The following PTPRT variants were observed in gnomAD, a reference collection of about 807,000 sequenced individuals.
PTPRT encodes the protein receptor-type tyrosine-protein phosphatase T.
Under a neutral mutation model 176.8 loss-of-function variants are expected in PTPRT, and 56 were observed. The observed-to-expected ratio is 0.32, with a 90% CI of 0.26 to 0.40. PTPRT has a LOEUF of 0.40. PTPRT is among the 10% of genes least tolerant of loss of function. The pLI, the probability that PTPRT is intolerant of heterozygous loss-of-function variation, is 1.00. For missense variants in PTPRT, 1,540 were observed against 1,908.2 expected (o/e 0.81, Z 3.60); for synonymous variants, 783 against 739.0 (o/e 1.06, Z -0.96).
At chr20:42,674,305 A>G (rs2075462185) in intron 7 of PTPRT, among the ~76,000 whole-genome samples, 1 of 152,246 alleles carries the variant, frequency 6.6e-6, no homozygotes, top group Non-Finnish European at 1.5e-5. Flanking sequence ...ATAAAATACC[A>G]CAATTGCATT....
chr20:42,891,280 C>G (rs1007729184), intron 1 of PTPRT, among the ~76,000 whole-genome samples: 3 of 152,146 alleles, frequency 2.0e-5, no homozygotes, highest in Non-Finnish European at 4.4e-5. Flanking sequence ...CTGGGCTCAG[C>G]TGAGGTTTGG....
At chr20:43,023,305 G>A (rs79049670) in intron 1 of PTPRT, among the ~76,000 whole-genome samples, 2,715 of 152,254 alleles carry the variant, frequency 0.018, 90 homozygotes, top group African/African-American at 0.061. Context: ...TGTGTGACCT[G>A]AAGCATCCTC....
At chr20:42,647,743 G>A (rs2074938831) in intron 7 of PTPRT, among the ~76,000 whole-genome samples, 1 of 152,114 alleles carries the variant, frequency 6.6e-6, no homozygotes, top group African/African-American at 2.4e-5. Context: ...CCGCTAACAG[G>A]GACAGCGTCT....
intron 7 of PTPRT, among the ~76,000 whole-genome samples, chr20:42,640,255 G>A (rs2074710762): frequency 6.6e-6 from 1 of 152,112 alleles, no homozygotes; most frequent in Admixed American, 6.5e-5. Flanking sequence ...TTTATTGGTA[G>A]TTATATGAAT....
chr20:42,669,430 T>C (rs553146701), intron 7 of PTPRT, among the ~76,000 whole-genome samples: 1 of 152,308 alleles, frequency 6.6e-6, no homozygotes, highest in Non-Finnish European at 1.5e-5. Context: ...TACTGGCTAC[T>C]GTTTCCATGT....
At chr20:42,199,495 T>C in intron 15 of PTPRT, 107 bp from the exon 16 acceptor site, 1 of 1,272,318 alleles carries the variant, frequency 7.9e-7, no homozygotes. Context: ...CCCCCAAATC[T>C]GGTTCATTCT....
chr20:42,481,891 TA>T lies in PTPRT; in HGVS notation c.1154-9330del, dbSNP rs2071393577. Among the ~76,000 whole-genome samples, 3 of 152,214 alleles carry T rather than the reference TA, an allele frequency of 2.0e-5. No individual in the cohort carries two copies. The South Asian group carries it at 6.2e-4, about 32-fold the overall frequency. On this transcript the variant is annotated intron_variant, in intron 7 of 30. Coordinates refer to ENST00000373187, the MANE Select transcript of PTPRT (RefSeq NM_007050.6). ...GGTGTACTTAGAGTTTTCTCTGAGG[TA>T]TGGGTTCTTGACTGCAACACTAGTG...
chr20:42,598,014 C>G (rs1260677537), intron 7 of PTPRT, among the ~76,000 whole-genome samples: 1 of 152,072 alleles, frequency 6.6e-6, no homozygotes, highest in Non-Finnish European at 1.5e-5. Flanking sequence ...CCCACAGAAG[C>G]CTTTTCATCA....
At chr20:42,998,388 G>T (rs1249552302) in intron 1 of PTPRT, among the ~76,000 whole-genome samples, 2 of 152,034 alleles carry the variant, frequency 1.3e-5, no homozygotes, top group African/African-American at 4.8e-5. Flanking sequence ...CCTGGCAATT[G>T]ATATGCAAAT....
intron 6 of PTPRT, chr20:42,685,429 G>A (rs957925692): frequency 1.3e-5 from 2 of 152,170 alleles, no homozygotes; most frequent in African/African-American, 2.4e-5. Context: ...TCTAGAAGAG[G>A]AGCATGATCT....
At chr20:42,229,275 C>G (rs1438553110) in intron 15 of PTPRT, among the ~76,000 whole-genome samples, 9 of 152,186 alleles carry the variant, frequency 5.9e-5, no homozygotes, top group Admixed American at 5.2e-4. Flanking sequence ...AGACTTCCCA[C>G]CAAGGTTCTC....
chr20:42,463,634 A>G (rs1014980804), intron 8 of PTPRT, among the ~76,000 whole-genome samples: 1 of 151,394 alleles, frequency 6.6e-6, no homozygotes, highest in Non-Finnish European at 1.5e-5. Context: ...CTTTATCTCC[A>G]TTTCTACATC....
At chr20:42,299,588 C>A (rs1295881450) in intron 12 of PTPRT, among the ~76,000 whole-genome samples, 1 of 146,006 alleles carries the variant, frequency 6.8e-6, no homozygotes, top group Admixed American at 6.9e-5. Context: ...AGAGTGAAGG[C>A]TGGAATAAAC....
rs149111097 is a variant in PTPRT at position 43,093,803 on chromosome 20, G to A, written c.88+95843C>T. ...TGACCCAGTATGTACCAGCCATGAC[G>A]ATATTCCTCTCAGGTCCCTGAACAC... On this transcript the variant is annotated intron_variant, in intron 1 of 30. Coordinates refer to ENST00000373187, the MANE Select transcript of PTPRT (RefSeq NM_007050.6). Among the ~76,000 whole-genome samples, 151 of 152,220 alleles carry A rather than the reference G, an allele frequency of 9.9e-4. 1 individual carries two copies. Among genetic ancestry groups the A allele is most frequent in the African/African-American group, 3.6e-3 (148 of 41,544 alleles).
intron 1 of PTPRT, among the ~76,000 whole-genome samples, chr20:42,910,357 G>C (rs1424604664): frequency 6.6e-6 from 1 of 152,174 alleles, no homozygotes; most frequent in Non-Finnish European, 1.5e-5. Context: ...CCAGGAATTT[G>C]TTGGGAAACA....
At chr20:42,554,862 G>A (rs1035860036) in intron 7 of PTPRT, among the ~76,000 whole-genome samples, 3 of 152,110 alleles carry the variant, frequency 2.0e-5, no homozygotes, top group African/African-American at 7.2e-5. Context: ...GAGGCAAGTT[G>A]GGGAGTTATT....
At chr20:42,281,225 A>C (rs1334421520) in intron 13 of PTPRT, among the ~76,000 whole-genome samples, 1 of 152,146 alleles carries the variant, frequency 6.6e-6, no homozygotes, top group Non-Finnish European at 1.5e-5. Context: ...TTTTGTTTGC[A>C]GGCCATCAAT....
intron 12 of PTPRT, among the ~76,000 whole-genome samples, chr20:42,314,860 A>G (rs546194993): frequency 3.9e-5 from 6 of 152,348 alleles, no homozygotes; most frequent in Non-Finnish European, 8.8e-5. Flanking sequence ...TCCCTACTCC[A>G]GAAAACAGTA....
intron 9 of PTPRT, among the ~76,000 whole-genome samples, chr20:42,361,365 A>G (rs753832472): frequency 4.6e-5 from 7 of 152,190 alleles, no homozygotes; most frequent in Non-Finnish European, 1.0e-4. Context: ...AATAGCCCAT[A>G]TCCTTTGACA....
Sources: gnomAD v4.1 joint callset for allele counts (sites outside exome capture counted in the v4.1 genomes callset) on GRCh38, gnomAD v4.1.1 for gene constraint, MANE v1.5 for transcripts, NCBI Gene and HGNC (gene_info 2026-07-23, HGNC 2026-07-21) for gene names.